Variants in PRKCB observed in about 807,000 individuals in gnomAD.
PRKCB encodes the protein protein kinase C beta type.
Under a neutral mutation model 81.5 loss-of-function variants are expected in PRKCB, and 13 were observed. The ratio of observed to expected loss-of-function variants is 0.16; its 90% CI spans 0.10 to 0.25. The LOEUF (loss-of-function observed/expected upper bound fraction) is 0.25. PRKCB is among the 10% of genes least tolerant of loss of function. The pLI, the probability that PRKCB is intolerant of heterozygous loss-of-function variation, is 1.00. For missense variants in PRKCB, 509 were observed against 875.7 expected (o/e 0.58, Z 5.29); for synonymous variants, 335 against 321.4 (o/e 1.04, Z -0.45).
At chr16:23,857,600 G>A (rs1426303962) in intron 2 of PRKCB, among the ~76,000 whole-genome samples, 2 of 152,152 alleles carry the variant, frequency 1.3e-5, no homozygotes, top group Non-Finnish European at 2.9e-5. Context: ...CTGATTTGGG[G>A]CCCAAGGGCC....
intron 2 of PRKCB, among the ~76,000 whole-genome samples, chr16:23,959,623 T>A (rs77478538): frequency 0.012 from 1,881 of 152,288 alleles, 37 homozygotes; most frequent in African/African-American, 0.042. Context: ...ATATTAGCGA[T>A]TATCTTTTAT....
At chr16:24,183,019 G>A (rs181077746) in intron 13 of PRKCB, among the ~76,000 whole-genome samples, 3 of 152,078 alleles carry the variant, frequency 2.0e-5, no homozygotes, top group Non-Finnish European at 4.4e-5. Flanking sequence ...ACCACGCCCA[G>A]CTAATTTTTT....
intron 9 of PRKCB, among the ~76,000 whole-genome samples, chr16:24,127,946 A>G (rs1248860260): frequency 6.6e-6 from 1 of 152,190 alleles, no homozygotes; most frequent in Non-Finnish European, 1.5e-5. Context: ...ATATAGATCA[A>G]TCTCCATAAA....
intron 10 of PRKCB, among the ~76,000 whole-genome samples, chr16:24,163,790 C>A (rs1261497221): frequency 2.0e-5 from 3 of 152,216 alleles, no homozygotes; most frequent in East Asian, 1.9e-4. Context: ...CTTGGCAACA[C>A]CCCTATGAAG....
At chr16:24,145,486 G>A (rs1386737408) in intron 9 of PRKCB, among the ~76,000 whole-genome samples, 39 of 152,202 alleles carry the variant, frequency 2.6e-4, no homozygotes, top group Non-Finnish European at 2.9e-5. Flanking sequence ...CAGGGTAGGA[G>A]ACAACTGCAG....
At chr16:23,938,950 T>A (rs541360189) in intron 2 of PRKCB, among the ~76,000 whole-genome samples, 131 of 152,346 alleles carry the variant, frequency 8.6e-4, no homozygotes, top group African/African-American at 3.1e-3. Context: ...CATGCGTATC[T>A]GTGCAGAAAA....
intron 16 of PRKCB, 119 bp downstream of exon 16, chr16:24,191,349 G>A (rs747421542): frequency 1.1e-5 from 13 of 1,165,514 alleles, no homozygotes; most frequent in Non-Finnish European, 1.5e-5. Flanking sequence ...TGGAACATGG[G>A]TGTATGTATT....
At chr16:24,148,808 A>G (rs1044133856) in intron 9 of PRKCB, among the ~76,000 whole-genome samples, 1 of 152,220 alleles carries the variant, frequency 6.6e-6, no homozygotes, top group Admixed American at 6.5e-5. Context: ...TTATTAGACC[A>G]TAGCCACACT....
intron 2 of PRKCB, among the ~76,000 whole-genome samples, chr16:23,938,241 A>G (rs1255809910): frequency 6.6e-6 from 1 of 152,210 alleles, no homozygotes; most frequent in East Asian, 1.9e-4. Context: ...TTTGAAGGGA[A>G]ATGTTATCAT....
At chr16:23,888,594 G>GTGTC (rs1963240261) in intron 2 of PRKCB, among the ~76,000 whole-genome samples, 1 of 152,166 alleles carries the variant, frequency 6.6e-6, no homozygotes, top group Non-Finnish European at 1.5e-5. Flanking sequence ...AAAACCCATT[G>GTGTC]TGTCTGACTC....
intron 2 of PRKCB, among the ~76,000 whole-genome samples, chr16:23,919,033 A>G (rs899794700): frequency 3.9e-5 from 6 of 152,234 alleles, no homozygotes; most frequent in African/African-American, 1.2e-4. Context: ...TTCCGTTTAG[A>G]TACAGTTTTC....
intron 2 of PRKCB, among the ~76,000 whole-genome samples, chr16:23,871,477 C>T (rs898332565): frequency 4.6e-5 from 7 of 152,332 alleles, no homozygotes; most frequent in African/African-American, 9.6e-5. Flanking sequence ...TGGCATTAGT[C>T]GGATCCTTCC....
intron 2 of PRKCB, among the ~76,000 whole-genome samples, chr16:23,946,750 T>C (rs550748537): frequency 7.3e-4 from 111 of 152,270 alleles, no homozygotes; most frequent in African/African-American, 2.6e-3. Context: ...ATCCAGTAGG[T>C]CTGGGGAGGG....
chr16:24,124,024 T>G, intron 9 of PRKCB, 43 bp downstream of exon 9: 1 of 1,610,596 alleles, frequency 6.2e-7, no homozygotes, highest in Non-Finnish European at 8.5e-7. Context: ...GGAAGGAACA[T>G]CTAACAACAC....
At chr16:24,006,442 A>T (rs1019505228) in intron 3 of PRKCB, among the ~76,000 whole-genome samples, 4 of 152,254 alleles carry the variant, frequency 2.6e-5, no homozygotes, top group African/African-American at 9.6e-5. Context: ...CGAGGATAGT[A>T]AAGCTCAATT....
At chr16:24,174,818 C>T (rs928228294) in intron 12 of PRKCB, 1 of 447,800 alleles carries the variant, frequency 2.2e-6, no homozygotes, top group Non-Finnish European at 4.0e-6. Context: ...TTCAGAGCCT[C>T]AAACAGGAGA....
intron 2 of PRKCB, among the ~76,000 whole-genome samples, chr16:23,855,901 A>G (rs907127707): frequency 4.1e-4 from 63 of 152,132 alleles, no homozygotes; most frequent in African/African-American, 1.5e-3. Flanking sequence ...CACAGCTGTG[A>G]GCAATTGGTT....
At chr16:24,205,253 G>A (rs910358542) in intron 16 of PRKCB, among the ~76,000 whole-genome samples, 6 of 151,064 alleles carry the variant, frequency 4.0e-5, no homozygotes, top group Non-Finnish European at 8.8e-5. Context: ...TGGGCTCAAG[G>A]GATTCCCCGT....
intron 2 of PRKCB, among the ~76,000 whole-genome samples, chr16:23,961,365 G>A (rs1171002479): frequency 2.0e-5 from 3 of 152,184 alleles, no homozygotes; most frequent in Non-Finnish European, 4.4e-5. Flanking sequence ...TGGCTTCAGG[G>A]AAGATATGAT....
Sources: gnomAD v4.1 joint callset for allele counts (sites outside exome capture counted in the v4.1 genomes callset) on GRCh38, gnomAD v4.1.1 for gene constraint, MANE v1.5 for transcripts, NCBI Gene and HGNC (gene_info 2026-07-23, HGNC 2026-07-21) for gene names.